The following PDZRN4 variants were observed in gnomAD, a reference collection of about 807,000 sequenced individuals.
PDZRN4 encodes PDZ domain-containing RING finger protein 4.
In PDZRN4, 70 loss-of-function variants were observed where a neutral mutation model predicts 99.0. That is an observed-to-expected ratio of 0.71 (90% CI 0.58 to 0.86). The LOEUF is 0.86. PDZRN4 is among the 40% of genes least tolerant of loss of function. The pLI is 0.00. For missense variants in PDZRN4, 1,474 were observed against 1,331.2 expected, an observed-to-expected ratio of 1.11 and a Z score of -1.67; for synonymous variants, 551 against 501.6, an observed-to-expected ratio of 1.10 and a Z score of -1.32.
chr12:41,277,751 T>C (rs916766139), intron 3 of PDZRN4, among the ~76,000 whole-genome samples: 3 of 152,218 alleles, frequency 2.0e-5, no homozygotes, highest in Non-Finnish European at 4.4e-5. Flanking sequence ...ACTCTGCTGC[T>C]CTTTGGTGTG....
chr12:41,215,267 G>A (rs1439964891), intron 3 of PDZRN4, among the ~76,000 whole-genome samples: 5 of 152,042 alleles, frequency 3.3e-5, no homozygotes, highest in Non-Finnish European at 7.4e-5. Flanking sequence ...ATCTCAGCAT[G>A]TATTAACTAA....
At chr12:41,469,031 C>T (rs1478786519) in intron 3 of PDZRN4, among the ~76,000 whole-genome samples, 1 of 151,802 alleles carries the variant, frequency 6.6e-6, no homozygotes, top group Non-Finnish European at 1.5e-5. Context: ...AAAATTGTTA[C>T]TCAAATCATC....
At chr12:41,568,974 T>A (rs1592117262) in intron 9 of PDZRN4, among the ~76,000 whole-genome samples, 1 of 149,864 alleles carries the variant, frequency 6.7e-6, no homozygotes, top group East Asian at 2.0e-4. Context: ...CCAGCTAATT[T>A]TTGTATTTTT....
At chr12:41,336,851 C>T (rs1022485523) in intron 3 of PDZRN4, among the ~76,000 whole-genome samples, 3 of 151,988 alleles carry the variant, frequency 2.0e-5, no homozygotes, top group African/African-American at 7.2e-5. Flanking sequence ...GCCAGATTAC[C>T]AGTGTGTGTG....
At chr12:41,386,685 G>C (rs1035898687) in intron 3 of PDZRN4, among the ~76,000 whole-genome samples, 1 of 152,122 alleles carries the variant, frequency 6.6e-6, no homozygotes, top group African/African-American at 2.4e-5. Flanking sequence ...TAAGCAAAAA[G>C]AACAAAGCTG....
Position 41,414,766 on chromosome 12 carries a change from C to T in PDZRN4, c.844-91690C>T, listed in dbSNP as rs558595672. On this transcript the variant is annotated intron_variant, in intron 3 of 9. Coordinates refer to ENST00000402685, the MANE Select transcript of PDZRN4 (RefSeq NM_001164595.2). ...TACCATGATGGAAAAATATAAAATG[C>T]TACAAAGATGTGTAGCAAACAAATA... 1.7e-3 allele frequency among the ~76,000 whole-genome samples: 266 copies of T among 152,098 alleles called. 2 individuals are homozygous for T. Among genetic ancestry groups the T allele is most frequent in the African/African-American group, 5.9e-3 (246 of 41,512 alleles).
At chr12:41,265,895 T>A (rs1028933201) in intron 3 of PDZRN4, among the ~76,000 whole-genome samples, 6 of 152,094 alleles carry the variant, frequency 3.9e-5, no homozygotes, top group Non-Finnish European at 5.9e-5. Context: ...TAAATTATGA[T>A]GGCTCTAATA....
chr12:41,485,011 A>C (rs1937747107), intron 3 of PDZRN4, among the ~76,000 whole-genome samples: 1 of 152,078 alleles, frequency 6.6e-6, no homozygotes, highest in East Asian at 1.9e-4. Context: ...ACAATCTGCC[A>C]CTTTTCTCCA....
intron 3 of PDZRN4, among the ~76,000 whole-genome samples, chr12:41,411,243 A>C (rs1176549678): frequency 6.6e-6 from 1 of 152,040 alleles, no homozygotes; most frequent in African/African-American, 2.4e-5. Context: ...GTTAGAACAA[A>C]TAAAACCACT....
At chr12:41,313,417 G>T (rs985306400) in intron 3 of PDZRN4, among the ~76,000 whole-genome samples, 3 of 152,100 alleles carry the variant, frequency 2.0e-5, no homozygotes, top group African/African-American at 7.2e-5. Context: ...CTACTAACAA[G>T]TTGCTCTCAC....
At chr12:41,551,854 C>T (rs1477464281) in intron 5 of PDZRN4, among the ~76,000 whole-genome samples, 1 of 152,094 alleles carries the variant, frequency 6.6e-6, no homozygotes, top group Non-Finnish European at 1.5e-5. Flanking sequence ...GAAAGTAGTA[C>T]AAGTCCATTT....
intron 3 of PDZRN4, among the ~76,000 whole-genome samples, chr12:41,422,219 A>G (rs1952495677): frequency 6.6e-6 from 1 of 152,192 alleles, no homozygotes; most frequent in South Asian, 2.1e-4. Flanking sequence ...CAGAAAAAGA[A>G]GTCAATGCAC....
chr12:41,552,513 TAA>T (rs11301675), intron 5 of PDZRN4, 141 bp from the exon 6 acceptor site: 9,578 of 396,568 alleles, frequency 0.024, 134 homozygotes, highest in African/African-American at 0.073. Flanking sequence ...ATAATATTGG[TAA>T]AAAAAAAAAA....
chr12:41,477,354 C>T (rs1937612895), intron 3 of PDZRN4, among the ~76,000 whole-genome samples: 1 of 152,300 alleles, frequency 6.6e-6, no homozygotes, highest in South Asian at 2.1e-4. Flanking sequence ...TCTGAAGGCA[C>T]TCACGGGAAT....
intron 3 of PDZRN4, among the ~76,000 whole-genome samples, chr12:41,355,277 A>G (rs558944226): frequency 6.6e-6 from 1 of 152,194 alleles, no homozygotes; most frequent in Admixed American, 6.6e-5. Context: ...CTTAAAGGTC[A>G]TCGTTCATAT....
At chr12:41,518,374 C>T (rs927324580) in intron 5 of PDZRN4, among the ~76,000 whole-genome samples, 1 of 151,956 alleles carries the variant, frequency 6.6e-6, no homozygotes, top group Non-Finnish European at 1.5e-5. Flanking sequence ...TGTGTGTTTT[C>T]CTCTTCTATG....
At chr12:41,398,269 A>G (rs997552389) in intron 3 of PDZRN4, among the ~76,000 whole-genome samples, 1 of 152,142 alleles carries the variant, frequency 6.6e-6, no homozygotes, top group Admixed American at 6.6e-5. Context: ...TCATGAAACT[A>G]GAGTTTTAAA....
At chr12:41,450,731 G>A (rs1952767636) in intron 3 of PDZRN4, among the ~76,000 whole-genome samples, 1 of 152,014 alleles carries the variant, frequency 6.6e-6, no homozygotes, top group Admixed American at 6.6e-5. Flanking sequence ...AAACCAGCCT[G>A]GCCAACATAG....
intron 5 of PDZRN4, among the ~76,000 whole-genome samples, chr12:41,551,885 C>T (rs1403966742): frequency 6.6e-6 from 1 of 152,112 alleles, no homozygotes; most frequent in East Asian, 1.9e-4. Flanking sequence ...AACTGAAATA[C>T]ACTGAAATTT....
Sources: allele counts gnomAD v4.1 joint callset (sites outside exome capture counted in the v4.1 genomes callset), GRCh38; gene constraint gnomAD v4.1.1; transcripts MANE v1.5; gene names NCBI Gene and HGNC (gene_info 2026-07-23, HGNC 2026-07-21).